CLPX: variants seen among roughly 807,000 people sequenced by gnomAD.
CLPX encodes the protein ATP-dependent clpX-like chaperone, mitochondrial.
Under a neutral mutation model 76.4 loss-of-function variants are expected in CLPX, and 34 were observed. The ratio of observed to expected loss-of-function variants is 0.45; its 90% CI spans 0.34 to 0.59. CLPX has a LOEUF of 0.59. Among genes scored for constraint, CLPX ranks in the 20% least tolerant of loss-of-function variants. The probability of loss-of-function intolerance (pLI) is 0.01; values close to 1 mark genes in which losing one functional copy is unlikely to be tolerated. For synonymous variants in CLPX, 248 were observed against 270.9 expected, an observed-to-expected ratio of 0.92 and a Z score of 0.83; for missense variants, 613 against 757.0, an observed-to-expected ratio of 0.81 and a Z score of 2.23.
rs1414091849 is a variant in CLPX, at chr15:65,148,439, A to G, written c.*2384T>C. ...ACTCTACAAAAAGGAAAATGATGCT[A>G]TAAGGGAAAGATAATGAACAAAGTT... On this transcript the variant is annotated 3_prime_UTR_variant, in exon 14 of 14. Coordinates refer to ENST00000300107, the MANE Select transcript of CLPX (RefSeq NM_006660.5). 1 of 152,216 alleles carries G rather than the reference A, an allele frequency of 6.6e-6. No individual in the cohort carries two copies. The highest frequency in any genetic ancestry group is 1.5e-5 in the Non-Finnish European group (1 of 68,046). 9.4% of individuals were successfully genotyped at this position (152,216 alleles called of 1,614,324 possible).
rs1417492233 is a variant in CLPX at position 65,153,528 on chromosome 15, T to C, written c.1704+19A>G. 13 of 1,471,922 alleles carry C rather than the reference T, an allele frequency of 8.8e-6. No homozygotes were observed. Among genetic ancestry groups the C allele is most frequent in the African/African-American group, 2.8e-5 (2 of 70,666 alleles). 91.2% of individuals were successfully genotyped at this position (1,471,922 alleles called of 1,614,324 possible). A position where few individuals can be genotyped will look rare whatever the true frequency, so the allele number is the denominator to read the frequency against. On this transcript the variant is annotated intron_variant, in intron 12 of 13. Coordinates refer to ENST00000300107, the MANE Select transcript of CLPX (RefSeq NM_006660.5). ...TCAGACCAAGAAATAATTGTTTTTA[T>C]AGAATAATGCCAACTCACCATTATG...
intron 12 of CLPX, 38 bp from the exon 13 acceptor site, chr15:65,152,574 G>A (rs776908304): frequency 8.8e-7 from 1 of 1,137,096 alleles, no homozygotes; most frequent in Non-Finnish European, 1.2e-6. Flanking sequence ...ATTGAAAACA[G>A]ATTACATACA....
chr15:65,166,101 G>A (rs1232318249), intron 4 of CLPX, among the ~76,000 whole-genome samples: 1 of 152,162 alleles, frequency 6.6e-6, no homozygotes, highest in Non-Finnish European at 1.5e-5. Flanking sequence ...TACTCTGCCT[G>A]AGACTTCTAA....
intron 3 of CLPX, among the ~76,000 whole-genome samples, chr15:65,173,153 T>A (rs1406798004): frequency 6.6e-6 from 1 of 152,166 alleles, no homozygotes; most frequent in Non-Finnish European, 1.5e-5. Flanking sequence ...GAGGATCACC[T>A]GAGGTCAGGA....
rs1177413725 is a variant in CLPX, at chr15:65,158,620, T to G, written c.847A>C (p.Lys283Gln). The G allele has an allele frequency of 6.2e-7, 1 of 1,613,440 alleles. No homozygotes were observed. The highest frequency in any genetic ancestry group is 1.7e-5 in the Admixed American group (1 of 59,878). Residue 283 changes from lysine to glutamine, a missense_variant, in exon 7 of 14, where the codon AAA becomes CAA. Coordinates refer to ENST00000300107, the MANE Select transcript of CLPX (RefSeq NM_006660.5). ...AGCAAAATATTACTTTTTTCAAGTT[T>G]TATGTCATCATGAGAAGAATCCAAT... ...EVLDSSHDDI[K>Q]LEKSNILLLG... is the part of the protein sequence containing the mutation.
intron 6 of CLPX, 96 bp downstream of exon 6, chr15:65,162,508 A>C (rs2087866534): frequency 1.3e-6 from 1 of 763,868 alleles, no homozygotes; most frequent in South Asian, 1.6e-5. Flanking sequence ...ACACAAGCAA[A>C]TACATACATG....
chr15:65,158,460 G>T, intron 7 of CLPX, 115 bp downstream of exon 7: 1 of 818,542 alleles, frequency 1.2e-6, no homozygotes, highest in Non-Finnish European at 1.9e-6. Flanking sequence ...TAGATGACTG[G>T]CCTTAGATTT....
Position 65,154,806 on chromosome 15 carries a change from G to A in CLPX, c.1587C>T (p.Tyr529=), listed in dbSNP as rs1363659367. ...CCTTATCCATGCTGAATAAGGCCTG[G>A]TACTGAGGAATAACAGCATTTCGTG... is the stretch of plus-strand genomic sequence containing the variant. ...TEPRNAVIPQ[Y]QALFSMDKCE... Residue 529 remains tyrosine (Y), a synonymous_variant, in exon 11 of 14, where the codon TAC becomes TAT. Transcript: ENST00000300107. 2 of 1,613,764 alleles carry A rather than the reference G, an allele frequency of 1.2e-6. No individual in the cohort carries two copies. Among genetic ancestry groups the A allele is most frequent in the Non-Finnish European group, 1.7e-6 (2 of 1,179,644 alleles).
chr15:65,155,336 G>A (rs2087774348), intron 10 of CLPX, among the ~76,000 whole-genome samples: 1 of 152,044 alleles, frequency 6.6e-6, no homozygotes, highest in African/African-American at 2.4e-5. Flanking sequence ...TGCAACCTCC[G>A]CCTCCTGGGT....
At chr15:65,182,081 C>G (rs1030613613) in intron 1 of CLPX, among the ~76,000 whole-genome samples, 7 of 149,118 alleles carry the variant, frequency 4.7e-5, no homozygotes, top group Admixed American at 1.3e-4. Context: ...CGAGATGGCA[C>G]CACTGCACTC....
chr15:65,179,075 A>C, intron 2 of CLPX, 24 bp from the exon 3 acceptor site: 1 of 1,435,560 alleles, frequency 7.0e-7, no homozygotes. Context: ...AGGAGAAAAA[A>C]GGAAGAGTGT....
chr15:65,165,375 A>ATTTTTTTT (rs34678725), intron 4 of CLPX, among the ~76,000 whole-genome samples: 1 of 69,160 alleles, frequency 1.4e-5, no homozygotes, highest in Non-Finnish European at 2.7e-5. Context: ...AACTGCCTGG[A>ATTTTTTTT]TTTTTTTTTT....
intron 6 of CLPX, among the ~76,000 whole-genome samples, chr15:65,160,592 T>TC (rs2087840977): frequency 3.5e-4 from 41 of 118,526 alleles, no homozygotes; most frequent in Non-Finnish European, 3.6e-4. Flanking sequence ...CATTCACTCA[T>TC]TCTCTCTCTC....
At chr15:65,158,138 T>C (rs2087812616) in intron 7 of CLPX, 1 of 390,902 alleles carries the variant, frequency 2.6e-6, no homozygotes, top group African/African-American at 2.1e-5. Flanking sequence ...GCTTAAGTGA[T>C]CCTCCTGCCT....
At position 65,157,810 on chromosome 15, in the gene CLPX, A is replaced by G; in HGVS notation, c.993T>C (p.Asp331=). Residue 331 remains aspartate, a synonymous_variant, in exon 8 of 14, where the codon GAT becomes GAC. Transcript: ENST00000300107. The part of the protein sequence containing the change: ...TLTQAGYVGE[D]IESVIAKLLQ... ...GTAGTTTTGCAATCACAGATTCAAT[A>G]TCTTCGCCTACATATCCAGCCTGAG... is the stretch of plus-strand genomic sequence containing the variant. 1 of 1,614,030 alleles carries G rather than the reference A, an allele frequency of 6.2e-7. No individual in the cohort carries two copies.
chr15:65,181,581 T>C (rs747747207), intron 1 of CLPX, among the ~76,000 whole-genome samples: 49 of 151,710 alleles, frequency 3.2e-4, no homozygotes, highest in Non-Finnish European at 4.1e-4. Context: ...GGTGAAACCC[T>C]GTCTCTACTA....
At chr15:65,169,452 C>G (rs1254855493) in intron 3 of CLPX, among the ~76,000 whole-genome samples, 4 of 152,076 alleles carry the variant, frequency 2.6e-5, no homozygotes, top group Non-Finnish European at 5.9e-5. Flanking sequence ...GGCACAGTGG[C>G]TCACACCTGT....
Position 65,148,995 on chromosome 15 carries a change from T to C in CLPX, c.*1828A>G, listed in dbSNP as rs1031571642. 6.6e-6 allele frequency: 1 copy of C among 152,220 alleles called. No individual in the cohort carries two copies. Among genetic ancestry groups the C allele is most frequent in the Non-Finnish European group, 1.5e-5 (1 of 68,040 alleles). The allele number at this position is 152,220 out of a possible 1,614,324, so 9.4% of individuals were successfully genotyped here. A position where few individuals can be genotyped will look rare whatever the true frequency, so the allele number is the denominator to read the frequency against. ...GTGTGAACACATTTACTTTGGCTGA[T>C]AGCAAAACATAGATTTTTTAAAATG... On this transcript the variant is annotated 3_prime_UTR_variant, in exon 14 of 14. Transcript: ENST00000300107.
chr15:65,165,375 A>ATTTTTTTTTTTTT (rs34678725), intron 4 of CLPX, among the ~76,000 whole-genome samples: 1 of 69,160 alleles, frequency 1.4e-5, no homozygotes, highest in African/African-American at 5.1e-5. Context: ...AACTGCCTGG[A>ATTTTTTTTTTTTT]TTTTTTTTTT....
Sources: gnomAD v4.1 joint callset for allele counts (sites outside exome capture counted in the v4.1 genomes callset) on GRCh38, gnomAD v4.1.1 for gene constraint, MANE v1.5 for transcripts, NCBI Gene and HGNC (gene_info 2026-07-23, HGNC 2026-07-21) for gene names.